HECTD2: variants seen among roughly 807,000 people sequenced by gnomAD.
HECTD2 encodes the protein probable E3 ubiquitin-protein ligase HECTD2.
In HECTD2, 35 loss-of-function variants were observed where a neutral mutation model predicts 103.2. The ratio of observed to expected loss-of-function variants is 0.34; its 90% CI spans 0.26 to 0.45. The LOEUF (loss-of-function observed/expected upper bound fraction) is 0.45. Ranked by LOEUF, HECTD2 falls within the 20% of genes least tolerant of loss-of-function variation. The probability of loss-of-function intolerance (pLI) is 1.00; values close to 1 mark genes in which losing one functional copy is unlikely to be tolerated. For missense variants in HECTD2, 596 were observed against 937.4 expected (o/e 0.64, Z 4.76); for synonymous variants, 281 against 329.9 (o/e 0.85, Z 1.61).
intron 2 of HECTD2, among the ~76,000 whole-genome samples, chr10:91,430,819 T>A (rs1843827559): frequency 6.6e-6 from 1 of 152,018 alleles, no homozygotes; most frequent in Admixed American, 6.5e-5. Context: ...CTGATGGGTC[T>A]TGACTCTTTA....
At chr10:91,418,668 T>C (rs2132993829) in intron 1 of HECTD2, among the ~76,000 whole-genome samples, 1 of 151,966 alleles carries the variant, frequency 6.6e-6, no homozygotes, top group African/African-American at 2.4e-5. Flanking sequence ...TAGGGAACTG[T>C]GAAAAAAAAC....
At position 91,490,759 on chromosome 10, in the gene HECTD2, T is replaced by C. The variant is rs571894750; in HGVS notation, c.1192-441T>C. ...ACAAAAAATTAGCCGGGCGTGGTGG[T>C]GGGCGCCTGTAGTCCCAGCTACTCG... On this transcript the variant is annotated intron_variant, in intron 11 of 20. Coordinates refer to ENST00000298068, the MANE Select transcript of HECTD2 (RefSeq NM_182765.6). Among the ~76,000 whole-genome samples, 28 of 149,638 alleles carry C rather than the reference T, an allele frequency of 1.9e-4. 1 individual carries two copies. The South Asian group carries it at 3.6e-3, about 19-fold the overall frequency.
Position 91,481,092 on chromosome 10 carries a change from A to T in HECTD2, c.666-2A>T. On this transcript the variant is annotated splice_acceptor_variant, in intron 6 of 20. Coordinates refer to ENST00000298068, the MANE Select transcript of HECTD2 (RefSeq NM_182765.6). LOFTEE classifies it high-confidence loss of function. ...AATAAATTATTCTTGTTTCTTTTTCAGTCCACGAACAAAAGATGATCTTAG... is the reference window on the plus strand; with the variant it reads ...AATAAATTATTCTTGTTTCTTTTTCTGTCCACGAACAAAAGATGATCTTAG... 6.8e-7 allele frequency: 1 copy of T among 1,472,922 alleles called. No homozygotes were observed. The highest frequency in any genetic ancestry group is 9.3e-7 in the Non-Finnish European group (1 of 1,069,650). 91.2% of individuals were successfully genotyped at this position (1,472,922 alleles called of 1,614,324 possible). A position where few individuals can be genotyped will look rare whatever the true frequency, so the allele number is the denominator to read the frequency against.
chr10:91,481,676 G>A (rs1846090620), intron 7 of HECTD2, among the ~76,000 whole-genome samples: 2 of 151,476 alleles, frequency 1.3e-5, no homozygotes, highest in Non-Finnish European at 3.0e-5. Flanking sequence ...GATACAAAAA[G>A]AAATTAAGAT....
chr10:91,430,150 C>G (rs1843775505), intron 2 of HECTD2, among the ~76,000 whole-genome samples: 1 of 152,184 alleles, frequency 6.6e-6, no homozygotes, highest in South Asian at 2.1e-4. Context: ...AGTAGTCATT[C>G]AGGAGTAGGT....
intron 2 of HECTD2, among the ~76,000 whole-genome samples, chr10:91,449,715 C>T (rs1332436229): frequency 6.6e-6 from 1 of 152,134 alleles, no homozygotes; most frequent in East Asian, 1.9e-4. Context: ...AATCAATGTG[C>T]AAAAATCACA....
At chr10:91,467,168 A>AG (rs1261195659) in intron 5 of HECTD2, among the ~76,000 whole-genome samples, 1 of 151,900 alleles carries the variant, frequency 6.6e-6, no homozygotes, top group African/African-American at 2.4e-5. Flanking sequence ...TGAACAGGCA[A>AG]GGAGCAGCCT....
chr10:91,502,116 C>G (rs1200224529), intron 20 of HECTD2, among the ~76,000 whole-genome samples: 3 of 152,052 alleles, frequency 2.0e-5, no homozygotes, highest in African/African-American at 4.8e-5. Context: ...TGCTTTAACA[C>G]TATTTAGATC....
At chr10:91,460,084 C>T (rs775367885) in intron 2 of HECTD2, among the ~76,000 whole-genome samples, 4 of 152,042 alleles carry the variant, frequency 2.6e-5, no homozygotes, top group African/African-American at 4.8e-5. Context: ...CATTGAGCCT[C>T]ATTGAAATAC....
At position 91,487,333 on chromosome 10, in the gene HECTD2, C is replaced by G. The variant is rs1044766776; in HGVS notation, c.1095-349C>G. ...ATTTTGAGCACCTGGGTTTTCTGTA[C>G]TACTTAACCAACACTTCTCCCTCCT... On this transcript the variant is annotated intron_variant, in intron 10 of 20. Coordinates refer to ENST00000298068, the MANE Select transcript of HECTD2 (RefSeq NM_182765.6). The surrounding 1 kb of genome is among the most constrained non-coding windows in gnomAD (Gnocchi z 4.1). The G allele has an allele frequency of 2.0e-5, 5 of 251,996 alleles. No homozygotes were observed. Among genetic ancestry groups the G allele is most frequent in the African/African-American group, 1.1e-4 (5 of 45,188 alleles). 15.6% of individuals were successfully genotyped at this position (251,996 alleles called of 1,614,324 possible). A position where few individuals can be genotyped will look rare whatever the true frequency, so the allele number is the denominator to read the frequency against.
Position 91,513,368 on chromosome 10 carries a change from G to A in HECTD2, c.*984G>A, listed in dbSNP as rs1484911563. Reference sequence around the variant, plus strand: ...AAACACTAATTTTTGAAAAAGATAGGTTAAAGTATTTGACAAAAGTGAATA... The same window carrying A: ...AAACACTAATTTTTGAAAAAGATAGATTAAAGTATTTGACAAAAGTGAATA... On this transcript the variant is annotated 3_prime_UTR_variant, in exon 21 of 21. Coordinates refer to ENST00000298068, the MANE Select transcript of HECTD2 (RefSeq NM_182765.6). The A allele has an allele frequency of 6.6e-6, 1 of 152,544 alleles. No individual in the cohort carries two copies. Among genetic ancestry groups the A allele is most frequent in the Admixed American group, 6.5e-5 (1 of 15,274 alleles). 9.4% of individuals were successfully genotyped at this position (152,544 alleles called of 1,614,324 possible). A position where few individuals can be genotyped will look rare whatever the true frequency, so the allele number is the denominator to read the frequency against.
At chr10:91,474,566 T>A (rs1241201056) in intron 5 of HECTD2, among the ~76,000 whole-genome samples, 1 of 152,132 alleles carries the variant, frequency 6.6e-6, no homozygotes, top group Non-Finnish European at 1.5e-5. Flanking sequence ...AGAGGTTGAT[T>A]TTTATTTGCA....
chr10:91,418,630 T>C (rs1843226569), intron 1 of HECTD2, among the ~76,000 whole-genome samples: 1 of 152,100 alleles, frequency 6.6e-6, no homozygotes, highest in Non-Finnish European at 1.5e-5. Context: ...AAGTCAGCAT[T>C]TCATGATTTT....
chr10:91,504,212 C>G (rs919632354), intron 20 of HECTD2, among the ~76,000 whole-genome samples: 1 of 152,136 alleles, frequency 6.6e-6, no homozygotes, highest in African/African-American at 2.4e-5. Context: ...CTCTAAAAAT[C>G]AGAGCGCCTC....
intron 6 of HECTD2, among the ~76,000 whole-genome samples, chr10:91,480,561 A>G (rs1000019188): frequency 2.0e-5 from 3 of 152,210 alleles, no homozygotes; most frequent in Admixed American, 6.5e-5. Context: ...GAATAACAAA[A>G]GCTCTTGGCC....
At chr10:91,440,368 A>T (rs1015919660) in intron 2 of HECTD2, among the ~76,000 whole-genome samples, 1 of 152,028 alleles carries the variant, frequency 6.6e-6, no homozygotes, top group East Asian at 1.9e-4. Flanking sequence ...TTTTTAAGTG[A>T]TAGGTTACAT....
intron 2 of HECTD2, among the ~76,000 whole-genome samples, chr10:91,436,093 T>C (rs1197701179): frequency 2.0e-5 from 3 of 151,958 alleles, no homozygotes; most frequent in Non-Finnish European, 4.4e-5. Context: ...GTAATAAGTT[T>C]AAAAATTTTT....
Position 91,501,165 on chromosome 10 carries a change from T to A in HECTD2, c.2067-26T>A. Reference sequence around the variant, plus strand: ...ATAGGATTTTTGTCAAGACATTTGATGTTAATTTCCTTTGGTATTCTCTAG... The same window carrying A: ...ATAGGATTTTTGTCAAGACATTTGAAGTTAATTTCCTTTGGTATTCTCTAG... On this transcript the variant is annotated intron_variant, in intron 19 of 20. Coordinates refer to ENST00000298068, the MANE Select transcript of HECTD2 (RefSeq NM_182765.6). The A allele has an allele frequency of 1.9e-6, 3 of 1,595,430 alleles. No homozygotes were observed. In the Admixed American group the frequency reaches 5.2e-5, roughly 28 times the overall value.
At chr10:91,443,685 C>T (rs1382019416) in intron 2 of HECTD2, among the ~76,000 whole-genome samples, 1 of 152,170 alleles carries the variant, frequency 6.6e-6, no homozygotes, top group Admixed American at 6.5e-5. Context: ...CACAAACAGT[C>T]GCCCCTTCCC....
Sources: gnomAD v4.1 joint callset for allele counts (sites outside exome capture counted in the v4.1 genomes callset) on GRCh38, gnomAD v4.1.1 for gene constraint, Gnocchi (gnomAD v3.1) non-coding constraint, MANE v1.5 for transcripts, NCBI Gene and HGNC (gene_info 2026-07-23, HGNC 2026-07-21) for gene names.